Variants in RARB observed in about 807,000 individuals in gnomAD.
RARB encodes HBV-activated protein.
In RARB, 17 loss-of-function variants were observed where a neutral mutation model predicts 51.9. The ratio of observed to expected loss-of-function variants is 0.33; its 90% confidence interval spans 0.22 to 0.49. The LOEUF (loss-of-function observed/expected upper bound fraction) is 0.49, where lower values mean the gene tolerates loss of function less well. Among genes scored for constraint, RARB ranks in the 20% least tolerant of loss-of-function variants. The probability of loss-of-function intolerance (pLI) is 0.99; values close to 1 mark genes in which losing one functional copy is unlikely to be tolerated. For missense variants in RARB, 369 were observed against 550.8 expected, an observed-to-expected ratio of 0.67 and a Z score of 3.30; for synonymous variants, 215 against 195.4, an observed-to-expected ratio of 1.10 and a Z score of -0.84.
chr3:25,410,218 A>G lies in RARB; in HGVS notation c.179-50975A>G, dbSNP rs143395692. On this transcript the variant is annotated intron_variant, in intron 5 of 11. Coordinates refer to the RARB transcript ENST00000383772. The stretch of plus-strand genomic sequence containing the variant: ...TTTCTTTGATTAGCAAATACATATA[A>G]CCTAAGATACAAATGAGTAGGCCTA... 4.4e-3 allele frequency among the ~76,000 whole-genome samples: 676 copies of G among 152,252 alleles called. 6 individuals are homozygous for G. Among genetic ancestry groups the G allele is most frequent in the African/African-American group, 0.016 (652 of 41,538 alleles).
intron 2 of RARB, among the ~76,000 whole-genome samples, chr3:24,891,903 C>T (rs1010154268): frequency 6.6e-6 from 1 of 152,114 alleles, no homozygotes; most frequent in African/African-American, 2.4e-5. Flanking sequence ...TTCCTAAGCC[C>T]CCCTTGATTC....
intron 2 of RARB, among the ~76,000 whole-genome samples, chr3:25,007,801 T>A (rs530383965): frequency 1.5e-4 from 23 of 152,068 alleles, no homozygotes; most frequent in Non-Finnish European, 3.1e-4. Context: ...CACTGAAAGC[T>A]CTGGAGCTTT....
chr3:25,191,986 T>C (rs1701115214), intron 5 of RARB, among the ~76,000 whole-genome samples: 1 of 152,078 alleles, frequency 6.6e-6, no homozygotes, highest in Middle Eastern at 3.2e-3. Flanking sequence ...TGACATAATA[T>C]CGAATCACGG....
intron 5 of RARB, among the ~76,000 whole-genome samples, chr3:25,311,832 A>C (rs895530981): frequency 1.3e-5 from 2 of 152,194 alleles, no homozygotes; most frequent in East Asian, 3.9e-4. Flanking sequence ...CTCAAAAAAC[A>C]CAAGGAATGA....
intron 2 of RARB, among the ~76,000 whole-genome samples, chr3:24,976,496 T>C (rs1237653073): frequency 6.6e-6 from 1 of 152,246 alleles, no homozygotes; most frequent in Non-Finnish European, 1.5e-5. Flanking sequence ...ATTGTGGTTT[T>C]GATTTGCATT....
chr3:24,883,004 G>A (rs6550923), intron 2 of RARB, among the ~76,000 whole-genome samples: 72,194 of 151,888 alleles, frequency 0.48, 18,704 homozygotes, highest in African/African-American at 0.69. Flanking sequence ...CTCAAACTGC[G>A]TGCAGCACTA....
intron 5 of RARB, among the ~76,000 whole-genome samples, chr3:25,269,932 A>G (rs920114829): frequency 1.3e-5 from 2 of 152,208 alleles, no homozygotes; most frequent in Non-Finnish European, 1.5e-5. Flanking sequence ...ACAATTAGGG[A>G]AAGGCAAAAT....
intron 2 of RARB, among the ~76,000 whole-genome samples, chr3:24,955,500 T>A (rs778230735): frequency 1.3e-5 from 2 of 152,170 alleles, no homozygotes; most frequent in Non-Finnish European, 2.9e-5. Context: ...TATCCAGTAT[T>A]TTCCTCCCTC....
At chr3:24,871,235 C>T (rs761672301) in intron 2 of RARB, among the ~76,000 whole-genome samples, 2 of 152,020 alleles carry the variant, frequency 1.3e-5, no homozygotes, top group Non-Finnish European at 2.9e-5. Flanking sequence ...ACTTCTATTC[C>T]TAATTTTCAG....
At chr3:25,402,821 G>A (rs1263851135) in intron 5 of RARB, among the ~76,000 whole-genome samples, 2 of 151,978 alleles carry the variant, frequency 1.3e-5, no homozygotes, top group Non-Finnish European at 2.9e-5. Flanking sequence ...GGTAGTGGGG[G>A]TTGGGGTGGG....
At chr3:25,495,213 A>T (rs1052550996) in intron 2 of RARB, among the ~76,000 whole-genome samples, 2 of 152,164 alleles carry the variant, frequency 1.3e-5, no homozygotes, top group Non-Finnish European at 2.9e-5. Flanking sequence ...TGTGTGAAGA[A>T]AAAAAATCTA....
intron 2 of RARB, among the ~76,000 whole-genome samples, chr3:24,968,586 C>T (rs904807719): frequency 2.6e-5 from 4 of 152,034 alleles, no homozygotes; most frequent in Non-Finnish European, 5.9e-5. Flanking sequence ...ATTGGTTAGT[C>T]CCTTATGGTC....
intron 4 of RARB, among the ~76,000 whole-genome samples, chr3:25,151,861 TCTTCA>T (rs922385953): frequency 1.5e-4 from 23 of 152,238 alleles, no homozygotes; most frequent in African/African-American, 5.5e-4. Context: ...TTGTGGCTTT[TCTTCA>T]CTTCAGCTAC....
At chr3:25,082,888 A>T (rs923559272) in intron 3 of RARB, among the ~76,000 whole-genome samples, 1 of 152,088 alleles carries the variant, frequency 6.6e-6, no homozygotes, top group African/African-American at 2.4e-5. Context: ...TGTTACTCTG[A>T]AAACTTCTTA....
chr3:25,509,846 G>C (rs1196960152), intron 3 of RARB, among the ~76,000 whole-genome samples: 2 of 151,922 alleles, frequency 1.3e-5, no homozygotes, highest in African/African-American at 4.8e-5. Flanking sequence ...CCTCCCAGCA[G>C]CTGCCTTTCT....
intron 5 of RARB, among the ~76,000 whole-genome samples, chr3:25,242,257 C>T (rs1056791316): frequency 2.6e-5 from 4 of 152,044 alleles, no homozygotes; most frequent in African/African-American, 9.7e-5. Flanking sequence ...CTGTAGGTTG[C>T]CTGTTCACTC....
At chr3:25,342,656 C>T (rs1310710280) in intron 5 of RARB, among the ~76,000 whole-genome samples, 1 of 152,176 alleles carries the variant, frequency 6.6e-6, no homozygotes, top group African/African-American at 2.4e-5. Flanking sequence ...AAGTATAACC[C>T]ACCTCTATTT....
At chr3:24,970,601 AC>A (rs1696376203) in intron 2 of RARB, among the ~76,000 whole-genome samples, 1 of 150,266 alleles carries the variant, frequency 6.7e-6, no homozygotes, top group African/African-American at 2.4e-5. Flanking sequence ...ACACACACAC[AC>A]ACAAACACAC....
intron 2 of RARB, among the ~76,000 whole-genome samples, chr3:24,881,075 GT>G (rs1703150142): frequency 6.6e-6 from 1 of 152,172 alleles, no homozygotes; most frequent in African/African-American, 2.4e-5. Flanking sequence ...ATGATAGTGA[GT>G]GAGTTCTCAC....
Sources: gnomAD v4.1 joint callset for allele counts (sites outside exome capture counted in the v4.1 genomes callset) on GRCh38, gnomAD v4.1.1 for gene constraint, MANE v1.5 for transcripts, NCBI Gene and HGNC (gene_info 2026-07-23, HGNC 2026-07-21) for gene names.